Variants in KCNIP1 observed in about 807,000 individuals in gnomAD.
KCNIP1 encodes the protein A-type potassium channel modulatory protein KCNIP1.
Under a neutral mutation model 33.0 loss-of-function variants are expected in KCNIP1, and 18 were observed. The ratio of observed to expected loss-of-function variants is 0.55; its 90% CI spans 0.38 to 0.81. The LOEUF (loss-of-function observed/expected upper bound fraction) is 0.81, where lower values mean the gene tolerates loss of function less well. Among genes scored for constraint, KCNIP1 ranks in the 30% least tolerant of loss-of-function variants. KCNIP1 has a pLI of 0.00. For missense variants in KCNIP1, 238 were observed against 271.6 expected, an observed-to-expected ratio of 0.88 and a Z score of 0.87; for synonymous variants, 93 against 98.3, an observed-to-expected ratio of 0.95 and a Z score of 0.32.
At chr5:170,595,997 A>G (rs567103297) in intron 1 of KCNIP1, among the ~76,000 whole-genome samples, 2 of 152,348 alleles carry the variant, frequency 1.3e-5, no homozygotes, top group Admixed American at 6.5e-5. Flanking sequence ...TAGCTTGCAC[A>G]GCAGAGCTTC....
intron 1 of KCNIP1, among the ~76,000 whole-genome samples, chr5:170,462,113 G>T (rs1490424884): frequency 6.6e-6 from 1 of 151,974 alleles, no homozygotes; most frequent in Non-Finnish European, 1.5e-5. Context: ...ATAAATAGCT[G>T]GGACTTAATT....
At chr5:170,497,792 T>C (rs1470318196) in intron 1 of KCNIP1, among the ~76,000 whole-genome samples, 1 of 152,206 alleles carries the variant, frequency 6.6e-6, no homozygotes, top group Non-Finnish European at 1.5e-5. Flanking sequence ...CACACACTCC[T>C]TGCAGGATCT....
intron 1 of KCNIP1, among the ~76,000 whole-genome samples, chr5:170,529,518 A>G (rs886676270): frequency 1.6e-4 from 25 of 152,196 alleles, no homozygotes; most frequent in African/African-American, 5.8e-4. Flanking sequence ...GAAACAAAAT[A>G]TGTTACTGCC....
At chr5:170,704,857 G>C (rs556060830) in intron 1 of KCNIP1, among the ~76,000 whole-genome samples, 2 of 152,330 alleles carry the variant, frequency 1.3e-5, no homozygotes, top group African/African-American at 4.8e-5. Context: ...ATGCCTTCAT[G>C]GTAATGATGT....
chr5:170,412,928 T>C (rs1457556773), intron 1 of KCNIP1, among the ~76,000 whole-genome samples: 1 of 152,170 alleles, frequency 6.6e-6, no homozygotes, highest in Non-Finnish European at 1.5e-5. Flanking sequence ...CCCAGCCTCG[T>C]GACTATCTGA....
intron 1 of KCNIP1, chr5:170,561,230 C>T (rs1005494824): frequency 1.9e-5 from 8 of 411,618 alleles, no homozygotes; most frequent in African/African-American, 4.1e-5. Context: ...AGAAAGTCCC[C>T]GCTCTGCTTG....
chr5:170,731,768 C>A (rs373668752), intron 5 of KCNIP1, among the ~76,000 whole-genome samples: 2 of 147,142 alleles, frequency 1.4e-5, no homozygotes, highest in African/African-American at 5.0e-5. Context: ...GGAGACACAA[C>A]AAATAAATGC....
chr5:170,681,811 G>C (rs1267804084), intron 1 of KCNIP1, among the ~76,000 whole-genome samples: 1 of 152,140 alleles, frequency 6.6e-6, no homozygotes, highest in Non-Finnish European at 1.5e-5. Context: ...GGTTTCCAAC[G>C]TTGAAGGAGT....
intron 1 of KCNIP1, among the ~76,000 whole-genome samples, chr5:170,683,889 A>G (rs957062283): frequency 1.3e-4 from 16 of 124,602 alleles, no homozygotes; most frequent in Non-Finnish European, 2.7e-4. Flanking sequence ...ATGCCCAGCT[A>G]GTGTATGTGT....
At chr5:170,528,069 C>A (rs1343544904) in intron 1 of KCNIP1, among the ~76,000 whole-genome samples, 3 of 152,072 alleles carry the variant, frequency 2.0e-5, no homozygotes, top group Admixed American at 6.5e-5. Flanking sequence ...GGAACCCTCC[C>A]AGGAGCCTCA....
intron 1 of KCNIP1, among the ~76,000 whole-genome samples, chr5:170,490,908 T>A (rs1166055966): frequency 6.6e-6 from 1 of 152,212 alleles, no homozygotes; most frequent in African/African-American, 2.4e-5. Context: ...CCCCAAATCC[T>A]AAACACAAGT....
intron 1 of KCNIP1, among the ~76,000 whole-genome samples, chr5:170,638,211 G>A (rs1014385726): frequency 6.6e-6 from 1 of 152,238 alleles, no homozygotes. Flanking sequence ...TCCACCCTTA[G>A]TAGGAGGAGG....
At chr5:170,569,231 C>T (rs1757310790) in intron 1 of KCNIP1, among the ~76,000 whole-genome samples, 1 of 152,360 alleles carries the variant, frequency 6.6e-6, no homozygotes, top group African/African-American at 2.4e-5. Context: ...AGCAACTTTG[C>T]AAGCTTCTTC....
At chr5:170,612,421 T>A (rs1394535917) in intron 1 of KCNIP1, among the ~76,000 whole-genome samples, 3 of 152,210 alleles carry the variant, frequency 2.0e-5, no homozygotes, top group Non-Finnish European at 4.4e-5. Context: ...CTTGCTCTCC[T>A]GGCGGCTCCC....
At chr5:170,454,723 G>A (rs1756333237) in intron 1 of KCNIP1, among the ~76,000 whole-genome samples, 1 of 152,174 alleles carries the variant, frequency 6.6e-6, no homozygotes, top group South Asian at 2.1e-4. Context: ...TATATAATTA[G>A]AACTCTTTAA....
intron 1 of KCNIP1, among the ~76,000 whole-genome samples, chr5:170,420,043 T>C (rs1246430085): frequency 6.6e-6 from 1 of 152,156 alleles, no homozygotes; most frequent in East Asian, 1.9e-4. Context: ...GGAAACACAA[T>C]GAGACCACAT....
intron 1 of KCNIP1, among the ~76,000 whole-genome samples, chr5:170,427,602 A>T (rs1009330213): frequency 6.6e-6 from 1 of 152,158 alleles, no homozygotes; most frequent in Non-Finnish European, 1.5e-5. Flanking sequence ...AGGGGTTCCC[A>T]GCCAATGCAA....
At chr5:170,546,815 A>G (rs1262327343) in intron 1 of KCNIP1, among the ~76,000 whole-genome samples, 2 of 152,276 alleles carry the variant, frequency 1.3e-5, no homozygotes, top group East Asian at 1.9e-4. Context: ...ATATACAGCA[A>G]TATTTAGAGT....
chr5:170,539,007 C>A (rs1461692052), intron 1 of KCNIP1, among the ~76,000 whole-genome samples: 1 of 151,926 alleles, frequency 6.6e-6, no homozygotes, highest in Non-Finnish European at 1.5e-5. Flanking sequence ...GTCATTCATT[C>A]TCTTGGCTTT....
Sources: gnomAD v4.1 joint callset for allele counts (sites outside exome capture counted in the v4.1 genomes callset) on GRCh38, gnomAD v4.1.1 for gene constraint, MANE v1.5 for transcripts, NCBI Gene and HGNC (gene_info 2026-07-23, HGNC 2026-07-21) for gene names.